The following SLC12A1 variants were observed in gnomAD, a reference collection of about 807,000 sequenced individuals.
The protein encoded by SLC12A1 is Na-K-2Cl cotransporter.
In SLC12A1, 89 loss-of-function variants were observed where a neutral mutation model predicts 130.4. The observed-to-expected ratio is 0.68, with a 90% confidence interval of 0.58 to 0.81. The LOEUF (loss-of-function observed/expected upper bound fraction) is 0.81, where lower values mean the gene tolerates loss of function less well. Among genes scored for constraint, SLC12A1 ranks in the 40% least tolerant of loss-of-function variants. The probability of loss-of-function intolerance (pLI) is 0.00; values close to 1 mark genes in which losing one functional copy is unlikely to be tolerated. For synonymous variants in SLC12A1, 499 were observed against 460.0 expected (o/e 1.08, Z -1.09); for missense variants, 1,310 against 1,336.4 (o/e 0.98, Z 0.31).
At chr15:48,283,308 A>C (rs1202798623) in intron 20 of SLC12A1, among the ~76,000 whole-genome samples, 1 of 152,244 alleles carries the variant, frequency 6.6e-6, no homozygotes, top group Non-Finnish European at 1.5e-5. Flanking sequence ...CGAGGCATAG[A>C]AAAAGTAAAT....
chr15:48,250,651 T>A (rs2041636216), intron 14 of SLC12A1, among the ~76,000 whole-genome samples: 1 of 120,964 alleles, frequency 8.3e-6, no homozygotes, highest in Non-Finnish European at 1.7e-5. Context: ...GACACATGGA[T>A]ACACAAACCC....
chr15:48,269,798 AT>A (rs754598782), intron 19 of SLC12A1, 34 bp downstream of exon 19: 4 of 1,195,258 alleles, frequency 3.3e-6, no homozygotes, highest in Non-Finnish European at 5.0e-6. Flanking sequence ...GTTCTTGTTT[AT>A]AAAGCACTAA....
chr15:48,228,556 A>G (rs2041323301), intron 5 of SLC12A1: 1 of 173,658 alleles, frequency 5.8e-6, no homozygotes, highest in African/African-American at 2.4e-5. Flanking sequence ...AATTTTACGT[A>G]TGTACCTATA....
At chr15:48,278,830 A>G (rs2041982818) in intron 20 of SLC12A1, among the ~76,000 whole-genome samples, 1 of 152,008 alleles carries the variant, frequency 6.6e-6, no homozygotes. Flanking sequence ...CATTGCTCCC[A>G]CCCCTCATTG....
In SLC12A1 at chr15:48,274,766, G is replaced by GCTTA. The variant is rs1368267242; in HGVS notation, c.2485+115_2485+118dup. The GCTTA allele has an allele frequency of 1.7e-5, 11 of 648,034 alleles. No homozygotes were observed. The African/African-American group carries it at 2.0e-4, about 12-fold the overall frequency. The allele number at this position is 648,034 out of a possible 1,614,324, so 40.1% of individuals were successfully genotyped here. On this transcript the variant is annotated intron_variant, in intron 20 of 26. Coordinates refer to ENST00000380993, the MANE Select transcript of SLC12A1 (RefSeq NM_000338.3). The stretch of plus-strand genomic sequence containing the variant: ...ATAGACAAAACTCCTTGACAGTGGA[G>GCTTA]CTTACATTCTAGTGCTACTCGTAGT...
In SLC12A1 at chr15:48,259,271, C is replaced by G; in HGVS notation, c.2114C>G (p.Thr705Ser). 1 of 1,613,840 alleles carries G rather than the reference C, an allele frequency of 6.2e-7. No homozygotes were observed. The highest frequency in any genetic ancestry group is 8.5e-7 in the Non-Finnish European group (1 of 1,179,794). ...PALLDITHAF[T>S]KNSGLCICCE... ...CTCCTGGACATAACTCACGCCTTTA[C>G]CAAGAACAGTGGCCTTTGCATCTGC... The change falls in exon 17 of 27, where the codon ACC becomes AGC. Residue 705 changes from threonine (T) to serine (S), a missense_variant. Thr to Ser is a moderately conservative substitution (Grantham distance 58). Coordinates refer to ENST00000380993, the MANE Select transcript of SLC12A1 (RefSeq NM_000338.3).
intron 4 of SLC12A1, chr15:48,224,850 A>T (rs2041263680): frequency 6.6e-6 from 1 of 152,114 alleles, no homozygotes; most frequent in Non-Finnish European, 1.5e-5. Context: ...GTGTTTCTTG[A>T]AGCTGAAAGC....
rs375938600 is a variant in SLC12A1, at chr15:48,215,893, G to A, written c.421-4741G>A. On this transcript the variant is annotated intron_variant, in intron 2 of 26. Transcript: ENST00000380993. ...ACGGTTAAACACCTTGATGGAGGAC[G>A]TACCCTGAATGAATTGCACAACCAA... is the stretch of plus-strand genomic sequence containing the variant. Among the ~76,000 whole-genome samples, 27 of 152,292 alleles carry A rather than the reference G, an allele frequency of 1.8e-4. No individual in the cohort carries two copies. In the East Asian group the frequency reaches 2.3e-3, roughly 13 times the overall value.
chr15:48,260,844 C>T (rs557899461), intron 17 of SLC12A1, among the ~76,000 whole-genome samples: 168 of 152,334 alleles, frequency 1.1e-3, no homozygotes, highest in South Asian at 3.3e-3. Context: ...AGCACTTAAG[C>T]ATTTCTTTAC....
At chr15:48,221,300 T>C (rs759373794) in intron 4 of SLC12A1, 1 of 701,552 alleles carries the variant, frequency 1.4e-6, no homozygotes, top group Non-Finnish European at 2.6e-6. Flanking sequence ...AATATTTGTA[T>C]TGGGGGACAT....
At chr15:48,280,730 C>A (rs1024713848) in intron 20 of SLC12A1, among the ~76,000 whole-genome samples, 1 of 152,054 alleles carries the variant, frequency 6.6e-6, no homozygotes, top group Admixed American at 6.6e-5. Context: ...ATTTCCCAGG[C>A]TCTTATCTCA....
intron 17 of SLC12A1, among the ~76,000 whole-genome samples, chr15:48,261,172 C>G (rs1019813269): frequency 4.6e-5 from 7 of 152,100 alleles, no homozygotes; most frequent in African/African-American, 1.7e-4. Context: ...TTTTTCTTCT[C>G]CAGCAATTTA....
Position 48,285,157 on chromosome 15 carries a change from A to G in SLC12A1, c.2537A>G (p.Lys846Arg). Residue 846 changes from lysine (K) to arginine (R), a missense_variant, in exon 21 of 27, where the codon AAA becomes AGA. Lys to Arg is a conservative substitution (Grantham distance 26). Coordinates refer to ENST00000380993, the MANE Select transcript of SLC12A1 (RefSeq NM_000338.3). ...AGACTAGCATTGGAAGCGACTATCA[A>G]AGATAATGAGTGTGAAGAGGAAAGT... ...QERLALEATI[K>R]DNECEEESGG... 1 of 1,613,708 alleles carries G rather than the reference A, an allele frequency of 6.2e-7. No individual in the cohort carries two copies. Among genetic ancestry groups the G allele is most frequent in the Non-Finnish European group, 8.5e-7 (1 of 1,179,690 alleles).
rs1482113686 is a variant in SLC12A1 at position 48,301,295 on chromosome 15, A to G, written c.3097-20A>G. ...AATTCTGGTAGAACTGTACTCAACA[A>G]ATCTGAATGTTGCCCACAGAGTTAC... On this transcript the variant is annotated intron_variant, in intron 25 of 26. Transcript: ENST00000380993. 6 of 1,574,358 alleles carry G rather than the reference A, an allele frequency of 3.8e-6. No homozygotes were observed. The highest frequency in any genetic ancestry group is 5.2e-6 in the Non-Finnish European group (6 of 1,152,514).
At chr15:48,272,834 G>C (rs925766502) in intron 19 of SLC12A1, among the ~76,000 whole-genome samples, 3 of 152,078 alleles carry the variant, frequency 2.0e-5, no homozygotes, top group African/African-American at 7.2e-5. Context: ...TAGGCTGGGC[G>C]CAGTGGCTCA....
Position 48,250,674 on chromosome 15 carries a change from C to CCACACACACACACACACA in SLC12A1, c.1787-940_1787-939insACACACACACACACACAC, listed in dbSNP as rs750040638. On this transcript the variant is annotated intron_variant, in intron 14 of 26. Transcript: ENST00000380993. ...GATACACAAACCCAGAAAATGTCTG[C>CCACACACACACACACACA]CTCACACACACACACACACACACAC... 3.0e-4 allele frequency among the ~76,000 whole-genome samples: 17 copies of CCACACACACACACACACA among 56,170 alleles called. 1 individual carries two copies. Among genetic ancestry groups the CCACACACACACACACACA allele is most frequent in the African/African-American group, 8.3e-4 (9 of 10,840 alleles). The allele number at this position is 56,170 out of a possible 152,430, so 36.8% of individuals were successfully genotyped here. A position where few individuals can be genotyped will look rare whatever the true frequency, so the allele number is the denominator to read the frequency against.
intron 4 of SLC12A1, chr15:48,225,369 G>C (rs2141025361): frequency 6.6e-6 from 1 of 152,242 alleles, no homozygotes; most frequent in Non-Finnish European, 1.5e-5. Context: ...TTAATCTCTA[G>C]TTATCTTGAC....
intron 2 of SLC12A1, among the ~76,000 whole-genome samples, chr15:48,212,989 A>C (rs1274272441): frequency 6.6e-6 from 1 of 152,238 alleles, no homozygotes; most frequent in African/African-American, 2.4e-5. Context: ...ATTCTCACTC[A>C]ATCCTTAACA....
intron 9 of SLC12A1, among the ~76,000 whole-genome samples, chr15:48,239,589 G>A (rs778716205): frequency 1.3e-4 from 19 of 151,878 alleles, no homozygotes; most frequent in Admixed American, 7.9e-4. Context: ...TGTGACTCCT[G>A]TTAAGCCATT....
Sources: gnomAD v4.1 joint callset for allele counts (sites outside exome capture counted in the v4.1 genomes callset) on GRCh38, gnomAD v4.1.1 for gene constraint, MANE v1.5 for transcripts, NCBI Gene and HGNC (gene_info 2026-07-23, HGNC 2026-07-21) for gene names.